PACSIN2: variants seen among roughly 807,000 people sequenced by gnomAD.
PACSIN2 encodes protein kinase C and casein kinase substrate in neurons protein 2.
PACSIN2 carries 25 observed loss-of-function variants against 63.8 expected under a neutral mutation model. The observed-to-expected ratio is 0.39, with a 90% CI of 0.29 to 0.55. The LOEUF (loss-of-function observed/expected upper bound fraction) is 0.55. PACSIN2 is among the 20% of genes least tolerant of loss of function. PACSIN2 has a pLI of 0.62. For synonymous variants in PACSIN2, 255 were observed against 256.2 expected, an observed-to-expected ratio of 1.00 and a Z score of 0.05; for missense variants, 518 against 646.9, an observed-to-expected ratio of 0.80 and a Z score of 2.16.
intron 1 of PACSIN2, among the ~76,000 whole-genome samples, chr22:43,008,941 C>T (rs1924274316): frequency 6.6e-6 from 1 of 152,210 alleles, no homozygotes; most frequent in Non-Finnish European, 1.5e-5. Context: ...TCAAGCCCTA[C>T]AAACTGTCCC....
intron 1 of PACSIN2, among the ~76,000 whole-genome samples, chr22:42,929,768 G>A (rs4820497): frequency 0.62 from 94,684 of 152,092 alleles, 30,481 homozygotes; most frequent in East Asian, 0.82. Flanking sequence ...TCAGGTCTTC[G>A]TACCTCCCTT....
chr22:42,915,496 T>C (rs1931749880), intron 1 of PACSIN2, among the ~76,000 whole-genome samples: 1 of 152,134 alleles, frequency 6.6e-6, no homozygotes, highest in African/African-American at 2.4e-5. Context: ...TCAGGTGCAA[T>C]GAGGGACAAG....
At chr22:42,874,222 G>C (rs548702639) in intron 10 of PACSIN2, among the ~76,000 whole-genome samples, 11 of 151,984 alleles carry the variant, frequency 7.2e-5, no homozygotes, top group African/African-American at 2.7e-4. Context: ...GCTGAGGTGG[G>C]AGGACTGCTT....
At chr22:42,896,320 A>G (rs1213631756) in intron 2 of PACSIN2, among the ~76,000 whole-genome samples, 2 of 152,110 alleles carry the variant, frequency 1.3e-5, no homozygotes, top group Non-Finnish European at 2.9e-5. Context: ...AGACTGATCC[A>G]TGTTGCTATC....
chr22:42,958,701 T>A (rs1270125046), intron 1 of PACSIN2, among the ~76,000 whole-genome samples: 1 of 152,190 alleles, frequency 6.6e-6, no homozygotes, highest in Non-Finnish European at 1.5e-5. Context: ...TTAAAAGTAT[T>A]TGAAACACAC....
chr22:42,933,126 A>G (rs1932816310), intron 1 of PACSIN2, among the ~76,000 whole-genome samples: 1 of 152,254 alleles, frequency 6.6e-6, no homozygotes, highest in South Asian at 2.1e-4. Context: ...AACCTAGTCT[A>G]TTATTATCTT....
chr22:42,997,492 A>G (rs1424811353), intron 1 of PACSIN2, among the ~76,000 whole-genome samples: 2 of 151,868 alleles, frequency 1.3e-5, no homozygotes, highest in Non-Finnish European at 2.9e-5. Flanking sequence ...CGGGAGGCAG[A>G]GGTTGCAGTG....
chr22:42,955,251 TGGA>T (rs1472625561), intron 1 of PACSIN2, among the ~76,000 whole-genome samples: 4 of 152,148 alleles, frequency 2.6e-5, no homozygotes, highest in Non-Finnish European at 5.9e-5. Context: ...GTGAACTGCG[TGGA>T]CAAGAGACCA....
intron 1 of PACSIN2, among the ~76,000 whole-genome samples, chr22:42,977,339 C>G (rs1206325971): frequency 6.6e-6 from 1 of 151,826 alleles, no homozygotes; most frequent in Non-Finnish European, 1.5e-5. Flanking sequence ...AAATTCAAAA[C>G]AATCCAGTAG....
chr22:42,958,090 A>C (rs542801885), intron 1 of PACSIN2, among the ~76,000 whole-genome samples: 55 of 152,258 alleles, frequency 3.6e-4, no homozygotes, highest in African/African-American at 1.2e-3. Context: ...CGGACTCATC[A>C]GTAGAAAAAA....
chr22:42,937,438 C>T (rs537590101), intron 1 of PACSIN2, among the ~76,000 whole-genome samples: 3 of 152,124 alleles, frequency 2.0e-5, no homozygotes, highest in East Asian at 1.9e-4. Context: ...TGAGCTTAAA[C>T]GGGCACCGAA....
At chr22:42,991,807 A>G (rs1923060469) in intron 1 of PACSIN2, among the ~76,000 whole-genome samples, 1 of 90,124 alleles carries the variant, frequency 1.1e-5, no homozygotes. Context: ...CTGGCTATCC[A>G]CAGACAAAAA....
intron 5 of PACSIN2, among the ~76,000 whole-genome samples, chr22:42,885,283 A>T (rs531195593): frequency 6.6e-6 from 1 of 152,224 alleles, no homozygotes; most frequent in Admixed American, 6.5e-5. Context: ...TCACACTGGT[A>T]CACACTTCCC....
chr22:42,936,906 G>C (rs1932937158), intron 1 of PACSIN2, among the ~76,000 whole-genome samples: 2 of 99,092 alleles, frequency 2.0e-5, no homozygotes, highest in Admixed American at 2.7e-4. Flanking sequence ...GCAAGACTCT[G>C]CCTCAAAAAA....
chr22:42,957,177 A>G (rs1207501346), intron 1 of PACSIN2, among the ~76,000 whole-genome samples: 1 of 152,210 alleles, frequency 6.6e-6, no homozygotes, highest in African/African-American at 2.4e-5. Context: ...GCCCACTAGA[A>G]CACCAGGAGG....
intron 2 of PACSIN2, 118 bp downstream of exon 2, chr22:42,911,903 A>ATGGC (rs1569259835): frequency 1.4e-6 from 1 of 716,502 alleles, no homozygotes; most frequent in Non-Finnish European, 2.4e-6. Flanking sequence ...CTACAAATGC[A>ATGGC]TGGCTGGTTT....
chr22:42,989,623 C>T (rs1922872950), intron 1 of PACSIN2, among the ~76,000 whole-genome samples: 3 of 151,284 alleles, frequency 2.0e-5, no homozygotes, highest in Non-Finnish European at 4.4e-5. Context: ...AGTGAAACCC[C>T]GTCTCTACTA....
intron 1 of PACSIN2, among the ~76,000 whole-genome samples, chr22:42,915,017 C>T (rs900625959): frequency 2.6e-5 from 4 of 152,124 alleles, no homozygotes. Flanking sequence ...GCACGTGCTG[C>T]CAGGCCCAGC....
chr22:43,014,339 CA>C (rs1569383385), intron 1 of PACSIN2, among the ~76,000 whole-genome samples: 1 of 139,088 alleles, frequency 7.2e-6, no homozygotes, highest in African/African-American at 2.7e-5. Context: ...CACACACACA[CA>C]CACACACACA....
Sources: allele counts gnomAD v4.1 joint callset (sites outside exome capture counted in the v4.1 genomes callset), GRCh38; gene constraint gnomAD v4.1.1; transcripts MANE v1.5; gene names NCBI Gene and HGNC (gene_info 2026-07-23, HGNC 2026-07-21).